The following CCDC102B variants were observed in gnomAD, a reference collection of about 807,000 sequenced individuals.
The protein encoded by CCDC102B is coiled-coil domain-containing protein 102B.
In CCDC102B, 75 loss-of-function variants were observed where a neutral mutation model predicts 57.4. The ratio of observed to expected loss-of-function variants is 1.31; its 90% CI spans 1.08 to 1.58. The LOEUF (loss-of-function observed/expected upper bound fraction) is 1.58. Among genes scored for constraint, CCDC102B ranks in the 40% most tolerant of loss-of-function variants. The pLI is 0.00. For synonymous variants in CCDC102B, 206 were observed against 201.9 expected (o/e 1.02, Z -0.17); for missense variants, 636 against 582.6 (o/e 1.09, Z -0.94).
At chr18:68,748,205 G>GGTAT (rs530957083) in intron 2 of CCDC102B, among the ~76,000 whole-genome samples, 8,774 of 137,422 alleles carry the variant, frequency 0.064, 523 homozygotes, top group East Asian at 0.11. Flanking sequence ...TTATTAAACT[G>GGTAT]GTGTGTGTGT....
chr18:68,974,093 T>A (rs1256742186), intron 6 of CCDC102B, among the ~76,000 whole-genome samples: 1 of 152,142 alleles, frequency 6.6e-6, no homozygotes, highest in Non-Finnish European at 1.5e-5. Context: ...AATTACTTTC[T>A]CTGGTCGAAG....
intron 6 of CCDC102B, among the ~76,000 whole-genome samples, chr18:68,986,182 C>T (rs2050717989): frequency 6.6e-6 from 1 of 152,094 alleles, no homozygotes; most frequent in South Asian, 2.1e-4. Flanking sequence ...ATACCAAAAT[C>T]TGGTAGAGAT....
chr18:69,055,265 A>T (rs576926668), downstream of CCDC102B: 108 of 608,960 alleles, frequency 1.8e-4, no homozygotes, highest in South Asian at 7.0e-3. Flanking sequence ...GGGGGATTGT[A>T]TGACTAATAG....
chr18:68,944,647 T>TTC (rs5825886), intron 6 of CCDC102B, among the ~76,000 whole-genome samples: 138,382 of 151,800 alleles, frequency 0.91, 63,126 homozygotes, highest in East Asian at 0.99. Flanking sequence ...GTGATTAGGT[T>TTC]AACATTATAG....
rs77329483 is a variant in CCDC102B at position 69,018,422 on chromosome 18, A to G, written c.1434+7318A>G. Among the ~76,000 whole-genome samples the G allele has an allele frequency of 8.1e-4, 124 of 152,280 alleles. No homozygotes were observed. The East Asian group carries it at 0.02, about 25-fold the overall frequency. On this transcript the variant is annotated intron_variant, in intron 7 of 7. Transcript: ENST00000360242. ...TACAAAAGGGTTTTCTTTTCTCTAC[A>G]TCTTCACCAGCACTAGTTATTTTCT...
chr18:69,022,278 CAT>C (rs2051864908), intron 7 of CCDC102B, among the ~76,000 whole-genome samples: 1 of 150,646 alleles, frequency 6.6e-6, no homozygotes, highest in South Asian at 2.1e-4. Flanking sequence ...GGGCCACACA[CAT>C]ATATATGTGG....
chr18:68,950,380 A>G (rs1400261119), intron 6 of CCDC102B, among the ~76,000 whole-genome samples: 1 of 152,136 alleles, frequency 6.6e-6, no homozygotes, highest in Non-Finnish European at 1.5e-5. Context: ...GAGAAACTGT[A>G]AAACTTCTAC....
chr18:68,852,097 G>A (rs2038154790), intron 4 of CCDC102B, among the ~76,000 whole-genome samples: 1 of 151,292 alleles, frequency 6.6e-6, no homozygotes, highest in African/African-American at 2.4e-5. Flanking sequence ...CAGGTCGCCT[G>A]CCTTCTTTTC....
At chr18:68,902,928 C>G (rs771154238) in intron 6 of CCDC102B, among the ~76,000 whole-genome samples, 22 of 152,120 alleles carry the variant, frequency 1.4e-4, no homozygotes, top group Non-Finnish European at 2.9e-4. Context: ...TCATATATCC[C>G]CACAACCCGG....
At chr18:68,940,510 C>T (rs1024568651) in intron 6 of CCDC102B, among the ~76,000 whole-genome samples, 3 of 151,696 alleles carry the variant, frequency 2.0e-5, no homozygotes, top group Admixed American at 6.6e-5. Flanking sequence ...TTAAATGAAA[C>T]GCTTACTCTA....
chr18:68,888,313 TCTCA>T (rs1189643196), intron 5 of CCDC102B, among the ~76,000 whole-genome samples: 1 of 152,202 alleles, frequency 6.6e-6, no homozygotes, highest in African/African-American at 2.4e-5. Flanking sequence ...GAATAGATTC[TCTCA>T]CTATTTCCCC....
At chr18:68,804,864 C>CTTTTTTTTTT (rs202008892) in intron 1 of CCDC102B, among the ~76,000 whole-genome samples, 1 of 140,834 alleles carries the variant, frequency 7.1e-6, no homozygotes, top group Non-Finnish European at 1.6e-5. Context: ...GGATCAAAAT[C>CTTTTTTTTTT]TTTTTTTTTT....
chr18:68,989,680 T>C (rs2050813256), intron 6 of CCDC102B, among the ~76,000 whole-genome samples: 1 of 152,184 alleles, frequency 6.6e-6, no homozygotes, highest in Non-Finnish European at 1.5e-5. Flanking sequence ...TACCACGTTG[T>C]CTCTCTTGCC....
intron 6 of CCDC102B, among the ~76,000 whole-genome samples, chr18:68,938,077 A>C (rs900847093): frequency 2.0e-5 from 3 of 151,958 alleles, no homozygotes; most frequent in Admixed American, 6.6e-5. Context: ...TGTGATTTCA[A>C]TATTCATGCA....
intron 6 of CCDC102B, among the ~76,000 whole-genome samples, chr18:68,982,180 C>T (rs900536560): frequency 9.2e-5 from 14 of 151,774 alleles, no homozygotes; most frequent in African/African-American, 3.1e-4. Context: ...GCATATGACA[C>T]TTAACTGCTG....
chr18:68,749,351 A>G (rs931126576), intron 2 of CCDC102B, among the ~76,000 whole-genome samples: 11 of 151,992 alleles, frequency 7.2e-5, no homozygotes, highest in African/African-American at 2.4e-4. Context: ...CATTGAATCT[A>G]TAAATTACCT....
chr18:68,968,232 G>A lies in CCDC102B; in HGVS notation c.1264-42702G>A, dbSNP rs2050211324. Among the ~76,000 whole-genome samples the A allele has an allele frequency of 5.3e-5, 8 of 151,990 alleles. No individual in the cohort carries two copies. The South Asian group carries it at 1.7e-3, about 32-fold the overall frequency. ...CATATAGTATAGCCAACTGTTCCTG[G>A]GTAAAGTCATATTTCTGAATAAAAC... is the stretch of plus-strand genomic sequence containing the variant. On this transcript the variant is annotated intron_variant, in intron 6 of 7. Coordinates refer to ENST00000360242, the MANE Select transcript of CCDC102B (RefSeq NM_024781.3).
At chr18:68,796,107 G>C (rs976932771), upstream of CCDC102B, among the ~76,000 whole-genome samples, 1 of 152,114 alleles carries the variant, frequency 6.6e-6, no homozygotes, top group African/African-American at 2.4e-5. Context: ...ATAGACTACT[G>C]TATCTTTTTA....
intron 7 of CCDC102B, among the ~76,000 whole-genome samples, chr18:69,035,446 A>G (rs2052263873): frequency 6.6e-6 from 1 of 152,106 alleles, no homozygotes; most frequent in Non-Finnish European, 1.5e-5. Flanking sequence ...TTACAAAACT[A>G]GAGGACATTA....
Sources: gnomAD v4.1 joint callset for allele counts (sites outside exome capture counted in the v4.1 genomes callset) on GRCh38, gnomAD v4.1.1 for gene constraint, MANE v1.5 for transcripts, NCBI Gene and HGNC (gene_info 2026-07-23, HGNC 2026-07-21) for gene names.